Variants in IL1RAPL2 observed in about 807,000 individuals in gnomAD.
IL1RAPL2 encodes the protein interleukin 1 receptor accessory protein like 2, also known as X-linked interleukin-1 receptor accessory protein-like 2.
Under a neutral mutation model 44.1 loss-of-function variants are expected in IL1RAPL2, and 3 were observed. That is an observed-to-expected ratio of 0.07 (90% CI 0.03 to 0.18). IL1RAPL2 has a LOEUF of 0.18. IL1RAPL2 is among the 10% of genes least tolerant of loss of function. The probability of loss-of-function intolerance (pLI) is 1.00; values close to 1 mark genes in which losing one functional copy is unlikely to be tolerated. For synonymous variants in IL1RAPL2, 181 were observed against 178.8 expected (o/e 1.01, Z -0.10); for missense variants, 391 against 496.4 (o/e 0.79, Z 2.02).
chrX:105,695,449 C>T (rs992742559), intron 6 of IL1RAPL2, among the ~76,000 whole-genome samples: 6 of 111,359 alleles, frequency 5.4e-5, no homozygotes, highest in Admixed American at 9.6e-5. Flanking sequence ...CTTTTTCCTA[C>T]GGTAGGAAAT....
intron 6 of IL1RAPL2, among the ~76,000 whole-genome samples, chrX:105,546,436 G>A: frequency 9.0e-6 from 1 of 111,149 alleles, no homozygotes; most frequent in Non-Finnish European, 1.9e-5. Context: ...TCATTAAAAT[G>A]GAGAGAAGGA....
intron 2 of IL1RAPL2, among the ~76,000 whole-genome samples, chrX:105,100,410 G>A (rs1244686824): frequency 8.9e-6 from 1 of 111,961 alleles, no homozygotes; most frequent in East Asian, 2.8e-4. Flanking sequence ...ATAATGGATG[G>A]AGGGATTCCT....
intron 5 of IL1RAPL2, among the ~76,000 whole-genome samples, chrX:105,430,785 T>C (rs767468440): frequency 2.7e-5 from 3 of 111,975 alleles, no homozygotes; most frequent in South Asian, 7.4e-4. Flanking sequence ...ACTGACATTA[T>C]TGGCAATCTG....
intron 6 of IL1RAPL2, among the ~76,000 whole-genome samples, chrX:105,605,968 A>C (rs1459172249): frequency 8.9e-6 from 1 of 111,799 alleles, no homozygotes; most frequent in East Asian, 2.8e-4. Context: ...TTAAAGACAA[A>C]CATCAAACTT....
intron 6 of IL1RAPL2, among the ~76,000 whole-genome samples, chrX:105,564,681 TG>T (rs1005857933): frequency 8.9e-6 from 1 of 111,777 alleles, no homozygotes; most frequent in African/African-American, 3.3e-5. Context: ...GAAAGCCAAA[TG>T]GCGCATTGCT....
At chrX:105,636,870 G>A (rs754479507) in intron 6 of IL1RAPL2, among the ~76,000 whole-genome samples, 3 of 111,083 alleles carry the variant, frequency 2.7e-5, no homozygotes, top group Admixed American at 1.9e-4. Flanking sequence ...ATAGGGATCT[G>A]CAAAAAGGGC....
intron 2 of IL1RAPL2, among the ~76,000 whole-genome samples, chrX:104,888,395 G>A (rs754010481): frequency 2.7e-5 from 3 of 110,576 alleles, no homozygotes; most frequent in Admixed American, 9.6e-5. Context: ...AGAGAGAGAC[G>A]AAGAAGTCAA....
At chrX:105,190,812 C>T (rs782061504) in intron 2 of IL1RAPL2, among the ~76,000 whole-genome samples, 1 of 112,245 alleles carries the variant, frequency 8.9e-6, no homozygotes, top group Non-Finnish European at 1.9e-5. Flanking sequence ...AACAACTTAT[C>T]CTCTTACAGG....
chrX:104,628,478 A>G (rs1409631853), intron 1 of IL1RAPL2, among the ~76,000 whole-genome samples: 1 of 111,657 alleles, frequency 9.0e-6, no homozygotes, highest in African/African-American at 3.3e-5. Context: ...ATTTAACTTA[A>G]TGACCTCACA....
chrX:104,846,737 G>A (rs1374221306), intron 2 of IL1RAPL2, among the ~76,000 whole-genome samples: 2 of 111,892 alleles, frequency 1.8e-5, no homozygotes, highest in Non-Finnish European at 3.8e-5. Flanking sequence ...GGGTCAAATG[G>A]TATTTGTAGT....
At chrX:105,620,262 T>C (rs1447060722) in intron 6 of IL1RAPL2, among the ~76,000 whole-genome samples, 3 of 111,508 alleles carry the variant, frequency 2.7e-5, no homozygotes, top group African/African-American at 9.8e-5. Context: ...CCTTAACACA[T>C]GTAAATGAAC....
chrX:104,599,587 C>G (rs1248808579), intron 1 of IL1RAPL2, among the ~76,000 whole-genome samples: 1 of 105,135 alleles, frequency 9.5e-6, no homozygotes, highest in Non-Finnish European at 1.9e-5. Context: ...TTTATTTTTC[C>G]CTTAAGAATA....
intron 5 of IL1RAPL2, among the ~76,000 whole-genome samples, chrX:105,370,424 G>A (rs760494337): frequency 9.0e-6 from 1 of 110,955 alleles, no homozygotes; most frequent in African/African-American, 3.3e-5. Context: ...CCCTTTTTTT[G>A]TGTCCATGTG....
At chrX:105,221,854 A>G (rs1354560286) in intron 3 of IL1RAPL2, among the ~76,000 whole-genome samples, 1 of 111,339 alleles carries the variant, frequency 9.0e-6, no homozygotes, top group African/African-American at 3.3e-5. Context: ...TAAGTTACCT[A>G]CCCTTCATAC....
chrX:104,758,169 T>A (rs1361061564), intron 2 of IL1RAPL2, among the ~76,000 whole-genome samples: 2 of 111,824 alleles, frequency 1.8e-5, no homozygotes, highest in Non-Finnish European at 3.8e-5. Flanking sequence ...ATTGAATGCT[T>A]GTTCTACTCT....
At chrX:105,284,666 T>C (rs751683568) in intron 5 of IL1RAPL2, among the ~76,000 whole-genome samples, 10 of 111,954 alleles carry the variant, frequency 8.9e-5, no homozygotes, top group African/African-American at 2.9e-4. Context: ...CAATGACGAC[T>C]TCTCAAAGTC....
chrX:105,687,890 C>T (rs759827512), intron 6 of IL1RAPL2, among the ~76,000 whole-genome samples: 1 of 111,747 alleles, frequency 8.9e-6, no homozygotes, highest in Admixed American at 9.5e-5. Context: ...AAATAGGCCT[C>T]ATCCCTGGGA....
chrX:105,046,511 C>A (rs1228947481), intron 2 of IL1RAPL2, among the ~76,000 whole-genome samples: 1 of 111,720 alleles, frequency 9.0e-6, no homozygotes, highest in African/African-American at 3.3e-5. Context: ...CCAGACTAAA[C>A]CTACCTTTTG....
rs181992724 is a variant in IL1RAPL2 at position 104,662,041 on chromosome X, G to A, written c.82+3046G>A. On this transcript the variant is annotated intron_variant, in intron 2 of 10. Coordinates refer to ENST00000372582, the MANE Select transcript of IL1RAPL2 (RefSeq NM_017416.2). ...TGGCCACCCTTATGCACAAGACAGA[G>A]AGAGGACCAAGGGTGGAAGTTTTTT... is the stretch of plus-strand genomic sequence containing the variant. Among the ~76,000 whole-genome samples, 13 of 112,395 alleles carry A rather than the reference G, an allele frequency of 1.2e-4. No individual in the cohort carries two copies. In the Admixed American group the frequency reaches 1.2e-3, roughly 11 times the overall value.
Sources: allele counts gnomAD v4.1 joint callset (sites outside exome capture counted in the v4.1 genomes callset), GRCh38; gene constraint gnomAD v4.1.1; transcripts MANE v1.5; gene names NCBI Gene and HGNC (gene_info 2026-07-23, HGNC 2026-07-21).